Variants in UAP1 observed in about 807,000 individuals in gnomAD.
UAP1 encodes UDP-N-acetylglucosamine pyrophosphorylase 1.
In UAP1, 25 loss-of-function variants were observed where a neutral mutation model predicts 58.5. That is an observed-to-expected ratio of 0.43 (90% confidence interval 0.31 to 0.60). The LOEUF (loss-of-function observed/expected upper bound fraction) is 0.60. UAP1 is among the 20% of genes least tolerant of loss of function. The probability of loss-of-function intolerance (pLI) is 0.11; values close to 1 mark genes in which losing one functional copy is unlikely to be tolerated. For missense variants in UAP1, 575 were observed against 630.0 expected (o/e 0.91, Z 0.93); for synonymous variants, 208 against 213.0 (o/e 0.98, Z 0.21).
At chr1:162,564,082 C>G (rs1177119285) in intron 1 of UAP1, among the ~76,000 whole-genome samples, 1 of 152,126 alleles carries the variant, frequency 6.6e-6, no homozygotes, top group Admixed American at 6.5e-5. Flanking sequence ...CTGTTCCTCT[C>G]AAGTGTCTTT....
chr1:162,589,318 A>G (rs1321828882), intron 7 of UAP1, among the ~76,000 whole-genome samples: 1 of 137,214 alleles, frequency 7.3e-6, no homozygotes, highest in Admixed American at 8.4e-5. Context: ...ATAAATAAAT[A>G]TATATTTATT....
intron 8 of UAP1, among the ~76,000 whole-genome samples, chr1:162,592,523 C>T (rs1258566002): frequency 1.3e-5 from 2 of 152,164 alleles, no homozygotes; most frequent in African/African-American, 2.4e-5. Context: ...TGTCAACAAG[C>T]TTGCTCTTGG....
At chr1:162,566,745 G>C (rs1482101719) in intron 2 of UAP1, among the ~76,000 whole-genome samples, 1 of 151,982 alleles carries the variant, frequency 6.6e-6, no homozygotes, top group Non-Finnish European at 1.5e-5. Flanking sequence ...TCCTGCCTCA[G>C]CCTCCCAAGT....
At chr1:162,575,080 T>G (rs144396839) in intron 2 of UAP1, among the ~76,000 whole-genome samples, 36 of 152,222 alleles carry the variant, frequency 2.4e-4, no homozygotes, top group African/African-American at 8.4e-4. Context: ...TTTATTTATT[T>G]ATTTTTGAGA....
chr1:162,564,633 A>G (rs764905617), intron 1 of UAP1, among the ~76,000 whole-genome samples: 2 of 152,130 alleles, frequency 1.3e-5, no homozygotes, highest in Non-Finnish European at 1.5e-5. Flanking sequence ...CTTACAATCT[A>G]TTGTATCCAT....
At chr1:162,582,817 CAA>C (rs1349573636) in intron 5 of UAP1, among the ~76,000 whole-genome samples, 2 of 152,088 alleles carry the variant, frequency 1.3e-5, no homozygotes, top group Non-Finnish European at 2.9e-5. Flanking sequence ...AAATTTTATG[CAA>C]AGTCTCATTG....
chr1:162,592,868 C>A, intron 9 of UAP1, 86 bp downstream of exon 9: 1 of 1,245,406 alleles, frequency 8.0e-7, no homozygotes, highest in South Asian at 1.3e-5. Flanking sequence ...AGTGCTCTGC[C>A]TTTTGGGGGT....
chr1:162,594,690 T>G (rs1290550650), intron 9 of UAP1, among the ~76,000 whole-genome samples: 1 of 152,226 alleles, frequency 6.6e-6, no homozygotes, highest in African/African-American at 2.4e-5. Context: ...AACCTAACAG[T>G]GTAATAGATT....
chr1:162,562,110 C>CT (rs1653180871), intron 1 of UAP1, among the ~76,000 whole-genome samples: 1 of 152,110 alleles, frequency 6.6e-6, no homozygotes, highest in Non-Finnish European at 1.5e-5. Context: ...GGGCCAGTGT[C>CT]TGAGTCCGAG....
intron 1 of UAP1, among the ~76,000 whole-genome samples, chr1:162,562,063 G>T (rs887369264): frequency 1.3e-5 from 2 of 152,212 alleles, no homozygotes; most frequent in African/African-American, 2.4e-5. Context: ...GAATGAGCGC[G>T]CCCCAGATGG....
At chr1:162,575,525 AG>A (rs1428580836) in intron 2 of UAP1, among the ~76,000 whole-genome samples, 2 of 141,108 alleles carry the variant, frequency 1.4e-5, no homozygotes, top group African/African-American at 5.3e-5. Context: ...TCTGCCTCCT[AG>A]GTTCAAGCAA....
chr1:162,573,954 ACT>A (rs533039603), intron 2 of UAP1, among the ~76,000 whole-genome samples: 503 of 151,382 alleles, frequency 3.3e-3, no homozygotes, highest in African/African-American at 0.012. Flanking sequence ...ACAGTGTGAG[ACT>A]CTGTCTCAAA....
intron 5 of UAP1, among the ~76,000 whole-genome samples, chr1:162,583,513 C>T (rs910160880): frequency 2.6e-5 from 4 of 151,960 alleles, no homozygotes; most frequent in African/African-American, 9.7e-5. Flanking sequence ...GCTTCAGAAC[C>T]AATTTAAACT....
At chr1:162,592,653 A>G (rs1439138910) in intron 8 of UAP1, 79 bp from the exon 9 acceptor site, 2 of 1,043,010 alleles carry the variant, frequency 1.9e-6, no homozygotes, top group African/African-American at 3.2e-5. Flanking sequence ...CATTCAATCA[A>G]GTATATTTTG....
intron 2 of UAP1, among the ~76,000 whole-genome samples, chr1:162,568,586 AGG>A (rs1653672605): frequency 6.6e-6 from 1 of 152,236 alleles, no homozygotes; most frequent in Non-Finnish European, 1.5e-5. Flanking sequence ...TACTTAGGAT[AGG>A]GCTCTGCCAC....
chr1:162,579,540 C>T, exon 4 of UAP1: 4 of 1,609,108 alleles, frequency 2.5e-6, no homozygotes, highest in Non-Finnish European at 3.4e-6. Flanking sequence ...AGGAATGCTC[C>T]CCGCCATGAG....
In UAP1 at chr1:162,578,309, C is replaced by T. The variant is rs376045884; in HGVS notation, c.486-1119C>T. ...TGTACCCCAAGTCAGCAGGTGCCCT[C>T]AGGACAAGGCAGCTGTATAGCCTCA... On this transcript the variant is annotated intron_variant, in intron 3 of 10. Transcript: ENST00000271469. Among the ~76,000 whole-genome samples the T allele has an allele frequency of 5.3e-5, 8 of 152,338 alleles. No individual in the cohort carries two copies. The East Asian group carries it at 1.5e-3, about 29-fold the overall frequency.
intron 1 of UAP1, among the ~76,000 whole-genome samples, chr1:162,565,488 A>G (rs1653434270): frequency 6.6e-6 from 1 of 152,136 alleles, no homozygotes; most frequent in African/African-American, 2.4e-5. Flanking sequence ...ATTTTTCCTT[A>G]TTATAGGTTG....
intron 2 of UAP1, among the ~76,000 whole-genome samples, chr1:162,567,990 G>T (rs1381240181): frequency 6.6e-6 from 1 of 152,120 alleles, no homozygotes; most frequent in Non-Finnish European, 1.5e-5. Flanking sequence ...TAGAGATGGG[G>T]TTTCACCATG....
Sources: gnomAD v4.1 joint callset for allele counts (sites outside exome capture counted in the v4.1 genomes callset) on GRCh38, gnomAD v4.1.1 for gene constraint, MANE v1.5 for transcripts, NCBI Gene and HGNC (gene_info 2026-07-23, HGNC 2026-07-21) for gene names.